FBXW10B: variants seen among roughly 807,000 people sequenced by gnomAD.
FBXW10B encodes the protein F-box and WD repeat domain containing protein 10B.
At chr17:15,591,920 A>G in the FBXW10B span, among the ~76,000 whole-genome samples, 2 of 152,068 alleles carry the variant, frequency 1.3e-5, no homozygotes. Context: ...AACTTCTCTG[A>G]TCCCCACTTT....
chr17:15,605,706 C>G, the FBXW10B span, among the ~76,000 whole-genome samples: 1 of 151,756 alleles, frequency 6.6e-6, no homozygotes, highest in Non-Finnish European at 1.5e-5. Context: ...AGAGAGAGAA[C>G]AGAGTATGTG....
At chr17:15,588,638 C>G in the FBXW10B span, 1 of 548,836 alleles carries the variant, frequency 1.8e-6, no homozygotes, top group Admixed American at 3.1e-5. Flanking sequence ...TCTTAGCTAG[C>G]AAAATCAAGA....
the FBXW10B span, among the ~76,000 whole-genome samples, chr17:15,596,244 G>A: frequency 6.6e-6 from 1 of 152,006 alleles, no homozygotes; most frequent in Non-Finnish European, 1.5e-5. Context: ...GCTGTTAGAA[G>A]GCCCTGAGCC....
At chr17:15,617,548 G>A in the FBXW10B span, among the ~76,000 whole-genome samples, 1 of 152,160 alleles carries the variant, frequency 6.6e-6, no homozygotes, top group East Asian at 1.9e-4. Flanking sequence ...AGGTTTGATG[G>A]GAGGTTTTTG....
At chr17:15,616,711 A>G in the FBXW10B span, among the ~76,000 whole-genome samples, 1 of 148,872 alleles carries the variant, frequency 6.7e-6, no homozygotes, top group Admixed American at 6.7e-5. Context: ...CAGGAGGCTG[A>G]GGCAGGAGAA....
At chr17:15,591,548 AAAGT>A in the FBXW10B span, among the ~76,000 whole-genome samples, 1 of 152,208 alleles carries the variant, frequency 6.6e-6, no homozygotes, top group Admixed American at 6.5e-5. Flanking sequence ...TCGGCCTCCC[AAAGT>A]GCTGGAATTA....
At chr17:15,594,748 T>C in the FBXW10B span, 1 of 1,613,756 alleles carries the variant, frequency 6.2e-7, no homozygotes, top group South Asian at 1.1e-5. Flanking sequence ...AGGCACCTAC[T>C]TGGGATGCTT....
chr17:15,596,093 C>G, the FBXW10B span, among the ~76,000 whole-genome samples: 2 of 151,866 alleles, frequency 1.3e-5, no homozygotes, highest in Admixed American at 6.6e-5. Context: ...TCACTATGTT[C>G]GTCAGGCTGG....
the FBXW10B span, chr17:15,598,723 T>C: frequency 1.1e-5 from 17 of 1,584,542 alleles, no homozygotes; most frequent in South Asian, 1.4e-4. Flanking sequence ...GTAGAACCCA[T>C]GTAGATAATT....
chr17:15,612,620 G>A, the FBXW10B span: 77 of 1,594,172 alleles, frequency 4.8e-5, no homozygotes, highest in Non-Finnish European at 6.0e-5. Flanking sequence ...TCACTCCAGG[G>A]CTGAGTCTGG....
chr17:15,582,201 GAA>G, the FBXW10B span, among the ~76,000 whole-genome samples: 1 of 147,390 alleles, frequency 6.8e-6, no homozygotes, highest in Non-Finnish European at 1.5e-5. Context: ...ATGATTAAGA[GAA>G]AGAGTATATA....
At chr17:15,614,238 G>A in the FBXW10B span, among the ~76,000 whole-genome samples, 1 of 152,064 alleles carries the variant, frequency 6.6e-6, no homozygotes, top group African/African-American at 2.4e-5. Context: ...GCCCAGGTTG[G>A]AGTGTAGTGG....
chr17:15,600,169 T>C, the FBXW10B span, among the ~76,000 whole-genome samples: 1 of 149,648 alleles, frequency 6.7e-6, no homozygotes, highest in Non-Finnish European at 1.5e-5. Context: ...TGAGCCGAGA[T>C]GGCGCCACTG....
At chr17:15,600,070 G>A in the FBXW10B span, among the ~76,000 whole-genome samples, 3 of 151,688 alleles carry the variant, frequency 2.0e-5, no homozygotes, top group African/African-American at 7.3e-5. Flanking sequence ...CAAAACATTA[G>A]CCGGGCGTGG....
At chr17:15,581,179 A>T in the FBXW10B span, among the ~76,000 whole-genome samples, 1 of 152,220 alleles carries the variant, frequency 6.6e-6, no homozygotes, top group Non-Finnish European at 1.5e-5. Flanking sequence ...TAACTAGTTA[A>T]CTTCAGAGTC....
At chr17:15,571,441 T>C in the FBXW10B span, 2 of 151,702 alleles carry the variant, frequency 1.3e-5, no homozygotes, top group African/African-American at 2.4e-5. Flanking sequence ...TCAGTAATCA[T>C]AGGGGAAATG....
At chr17:15,565,959 G>A in the FBXW10B span, 1 of 1,587,968 alleles carries the variant, frequency 6.3e-7, no homozygotes, top group Non-Finnish European at 8.6e-7. Flanking sequence ...GGATAATCAT[G>A]GGCTCGGGTA....
chr17:15,593,412 T>C, the FBXW10B span: 11 of 1,614,000 alleles, frequency 6.8e-6, no homozygotes, highest in South Asian at 2.2e-5. Flanking sequence ...ACAGTTCCCA[T>C]TGAAGAAATT....
the FBXW10B span, among the ~76,000 whole-genome samples, chr17:15,610,567 C>G: frequency 1.3e-5 from 2 of 152,204 alleles, no homozygotes; most frequent in Admixed American, 6.5e-5. Context: ...ACTTTCCCCC[C>G]ACATCCCTCT....
Sources: gnomAD v4.1 joint callset for allele counts (sites outside exome capture counted in the v4.1 genomes callset) on GRCh38, gnomAD v4.1.1 for gene constraint, MANE v1.5 for transcripts, NCBI Gene and HGNC (gene_info 2026-07-23, HGNC 2026-07-21) for gene names.